SLA2: variants seen among roughly 807,000 people sequenced by gnomAD.
SLA2 encodes the protein src-like-adapter 2.
Under a neutral mutation model 27.3 loss-of-function variants are expected in SLA2, and 22 were observed. The ratio of observed to expected loss-of-function variants is 0.81; its 90% CI spans 0.58 to 1.15. The LOEUF is 1.15. SLA2 is among the 50% of genes most tolerant of loss of function. The pLI is 0.00. For synonymous variants in SLA2, 131 were observed against 137.8 expected, an observed-to-expected ratio of 0.95 and a Z score of 0.34; for missense variants, 304 against 322.2, an observed-to-expected ratio of 0.94 and a Z score of 0.43.
chr20:36,634,440 T>C (rs1957525888), intron 3 of SLA2, 50 bp downstream of exon 3: 4 of 1,371,280 alleles, frequency 2.9e-6, no homozygotes, highest in Non-Finnish European at 4.1e-6. Context: ...CACACCACCA[T>C]GCCTGGCTCT....
At chr20:36,625,217 T>A (rs972568540) in intron 5 of SLA2, among the ~76,000 whole-genome samples, 1 of 50,340 alleles carries the variant, frequency 2.0e-5, no homozygotes, top group African/African-American at 7.4e-5. Flanking sequence ...CGTACCCTGA[T>A]TTTTTTTTTT....
chr20:36,634,534 G>A lies in SLA2; in HGVS notation c.147C>T (p.Ala49=), dbSNP rs374910927. 30 of 1,611,288 alleles carry A rather than the reference G, an allele frequency of 1.9e-5. No homozygotes were observed. In the Admixed American group the frequency reaches 2.7e-4, roughly 14 times the overall value. Residue 49 remains alanine (A), a synonymous_variant, in exon 3 of 8, where the codon GCC becomes GCT. Coordinates refer to ENST00000262866, the MANE Select transcript of SLA2 (RefSeq NM_032214.4). The part of the protein sequence containing the change: ...ALGSFPAGGP[A]ELSLRLGEPL... Reference sequence around the variant, plus strand: ...GCTCCCCGAGTCTCAGCGACAGCTCGGCCGGGCCACCTGCCGGGAAACTGC... The same window carrying A: ...GCTCCCCGAGTCTCAGCGACAGCTCAGCCGGGCCACCTGCCGGGAAACTGC...
intron 1 of SLA2, among the ~76,000 whole-genome samples, chr20:36,645,614 C>T (rs1015209113): frequency 2.0e-5 from 3 of 152,188 alleles, no homozygotes; most frequent in Non-Finnish European, 4.4e-5. Flanking sequence ...CACGGAAGAG[C>T]GTAAGCTCCA....
At chr20:36,642,259 C>T (rs954878658) in intron 1 of SLA2, among the ~76,000 whole-genome samples, 8 of 94,980 alleles carry the variant, frequency 8.4e-5, no homozygotes, top group Non-Finnish European at 1.8e-4. Flanking sequence ...ACTGTTGAGC[C>T]ACTTCCCCTC....
chr20:36,637,193 ATTTTTTT>A (rs1175945445), intron 2 of SLA2, among the ~76,000 whole-genome samples: 2 of 87,966 alleles, frequency 2.3e-5, no homozygotes, highest in Non-Finnish European at 4.3e-5. Flanking sequence ...GCGTGTGTGT[ATTTTTTT>A]TTTTTTTTTT....
At chr20:36,629,182 C>A (rs965254227) in intron 5 of SLA2, among the ~76,000 whole-genome samples, 17 of 151,766 alleles carry the variant, frequency 1.1e-4, no homozygotes, top group African/African-American at 3.9e-4. Context: ...CTAGCCTTAG[C>A]CTCCTGAGTA....
chr20:36,632,831 C>T lies in SLA2; in HGVS notation c.279-133G>A, dbSNP rs115790022. ...GGGCCTCAGAGTTCTATCTGCTCCA[C>T]GAAGAGCTGGGCTCAGGGTCTCCGA... is the stretch of plus-strand genomic sequence containing the variant. On this transcript the variant is annotated intron_variant, in intron 4 of 7. Coordinates refer to ENST00000262866, the MANE Select transcript of SLA2 (RefSeq NM_032214.4). The T allele has an allele frequency of 4.2e-3, 2,879 of 691,614 alleles. 64 individuals carry two copies. In the African/African-American group the frequency reaches 0.046, roughly 11 times the overall value. 42.8% of individuals were successfully genotyped at this position (691,614 alleles called of 1,614,324 possible).
At chr20:36,616,425 G>A (rs6101445) in intron 5 of SLA2, among the ~76,000 whole-genome samples, 3,889 of 151,144 alleles carry the variant, frequency 0.026, 174 homozygotes, top group African/African-American at 0.089. Context: ...CCGCCTCCTG[G>A]GTTGAAGTGA....
At chr20:36,634,647 T>C in intron 2 of SLA2, 58 bp from the exon 3 acceptor site, 1 of 1,133,294 alleles carries the variant, frequency 8.8e-7, no homozygotes, top group Non-Finnish European at 1.3e-6. Context: ...ACGCATGAGG[T>C]CTAGTGGAGT....
At chr20:36,639,097 C>T (rs780630367) in intron 2 of SLA2, among the ~76,000 whole-genome samples, 3 of 152,182 alleles carry the variant, frequency 2.0e-5, no homozygotes, top group South Asian at 2.1e-4. Flanking sequence ...CTGCCCGCCT[C>T]GGCCTCCCAA....
intron 5 of SLA2, among the ~76,000 whole-genome samples, chr20:36,616,502 TTTTTGTA>T (rs1388010169): frequency 6.6e-6 from 1 of 151,698 alleles, no homozygotes. Flanking sequence ...CCCGGCTAAT[TTTTTGTA>T]TTTTTGGTAG....
intron 7 of SLA2, 111 bp from the exon 8 acceptor site, chr20:36,614,097 TG>T: frequency 1.3e-6 from 2 of 1,511,196 alleles, no homozygotes; most frequent in East Asian, 2.3e-5. Flanking sequence ...GAGGACCTCA[TG>T]GGGCTCCCCT....
At chr20:36,632,817 T>A in intron 4 of SLA2, 119 bp from the exon 5 acceptor site, 1 of 734,702 alleles carries the variant, frequency 1.4e-6, no homozygotes, top group African/African-American at 1.8e-5. Context: ...GGCCTCAGAG[T>A]TCTATCTGCT....
chr20:36,614,336 T>C lies in SLA2; in HGVS notation c.634A>G (p.Arg212Gly), dbSNP rs1167070407. Residue 212 changes from arginine (R) to glycine (G), a missense_variant, in exon 7 of 8, where the codon AGG becomes GGG. Physicochemically the swap from Arg to Gly is moderately radical, Grantham distance 125. Transcript: ENST00000262866. Reference protein sequence around the residue: ...KDIPLPVTVQRTPLNWKELDS... With the variant: ...KDIPLPVTVQGTPLNWKELDS... ...AGCTCTTTCCAGTTGAGTGGTGTCCTCTGCACAGTCACAGGTAGGGGTATA... is the reference window on the plus strand; with the variant it reads ...AGCTCTTTCCAGTTGAGTGGTGTCCCCTGCACAGTCACAGGTAGGGGTATA... 6.2e-7 allele frequency: 1 copy of C among 1,614,200 alleles called. No individual in the cohort carries two copies. Among genetic ancestry groups the C allele is most frequent in the Non-Finnish European group, 8.5e-7 (1 of 1,180,028 alleles).
At chr20:36,628,009 A>C (rs571269183) in intron 5 of SLA2, among the ~76,000 whole-genome samples, 6 of 152,282 alleles carry the variant, frequency 3.9e-5, no homozygotes, top group African/African-American at 1.4e-4. Context: ...TGTAAAGTAC[A>C]TTGTCTCTTA....
chr20:36,633,355 C>T (rs2039411543), intron 4 of SLA2, among the ~76,000 whole-genome samples, 188 bp downstream of exon 4: 2 of 152,202 alleles, frequency 1.3e-5, no homozygotes. Context: ...CAAGCCCTTC[C>T]TCTGGCTCCC....
intron 5 of SLA2, chr20:36,621,335 G>T: frequency 1.6e-6 from 1 of 615,930 alleles, no homozygotes; most frequent in Non-Finnish European, 3.1e-6. Context: ...AAAGGAGGCA[G>T]TTTTGGTGGA....
intron 4 of SLA2, 80 bp downstream of exon 4, chr20:36,633,463 C>A: frequency 8.0e-7 from 1 of 1,249,766 alleles, no homozygotes; most frequent in South Asian, 1.2e-5. Context: ...TTGCTCAGCG[C>A]AGAGCCGTGC....
At position 36,613,725 on chromosome 20, in the gene SLA2, G is replaced by A; in HGVS notation, c.*141C>T. Reference sequence around the variant, plus strand: ...AAGGGCTAAGAGAGGAAAGAGCAAGGGTACAGGTGGGACCCTAGATGCACC... The same window carrying A: ...AAGGGCTAAGAGAGGAAAGAGCAAGAGTACAGGTGGGACCCTAGATGCACC... On this transcript the variant is annotated 3_prime_UTR_variant, in exon 8 of 8. Coordinates refer to ENST00000262866, the MANE Select transcript of SLA2 (RefSeq NM_032214.4). 2.0e-6 allele frequency: 2 copies of A among 1,012,928 alleles called. No homozygotes were observed. The highest frequency in any genetic ancestry group is 2.9e-6 in the Non-Finnish European group (2 of 701,416). 62.7% of individuals were successfully genotyped at this position (1,012,928 alleles called of 1,614,324 possible).
Sources: allele counts gnomAD v4.1 joint callset (sites outside exome capture counted in the v4.1 genomes callset), GRCh38; gene constraint gnomAD v4.1.1; transcripts MANE v1.5; gene names NCBI Gene and HGNC (gene_info 2026-07-23, HGNC 2026-07-21).